The following PRIM2 variants were observed in gnomAD, a reference collection of about 807,000 sequenced individuals.
PRIM2 encodes the protein DNA primase large subunit.
Under a neutral mutation model 67.3 loss-of-function variants are expected in PRIM2, and 39 were observed. The observed-to-expected ratio is 0.58, with a 90% confidence interval of 0.45 to 0.76. PRIM2 has a LOEUF of 0.76. Among genes scored for constraint, PRIM2 ranks in the 30% least tolerant of loss-of-function variants. PRIM2 has a pLI of 0.00. For missense variants in PRIM2, 398 were observed against 598.7 expected (o/e 0.66, Z 3.50); for synonymous variants, 143 against 198.7 (o/e 0.72, Z 2.36).
At chr6:57,316,324 A>C (rs992014197), upstream of PRIM2, among the ~76,000 whole-genome samples, 2 of 152,162 alleles carry the variant, frequency 1.3e-5, no homozygotes, top group African/African-American at 4.8e-5. Flanking sequence ...AGGCAGGAGA[A>C]TCGCTTGAAT....
intron 5 of PRIM2, among the ~76,000 whole-genome samples, chr6:57,330,278 C>T (rs554017655): frequency 6.8e-6 from 1 of 146,526 alleles, no homozygotes; most frequent in East Asian, 2.0e-4. Flanking sequence ...TTGGAATGTT[C>T]ATTGCTAGTA....
intron 6 of PRIM2, among the ~76,000 whole-genome samples, chr6:57,380,751 G>T (rs1287452771): frequency 6.7e-6 from 1 of 150,110 alleles, no homozygotes; most frequent in African/African-American, 2.4e-5. Flanking sequence ...CCTAGAGTGT[G>T]GTGATCAATA....
intron 5 of PRIM2, among the ~76,000 whole-genome samples, chr6:57,336,587 G>C (rs1232410794): frequency 2.0e-5 from 3 of 151,996 alleles, no homozygotes; most frequent in Non-Finnish European, 4.4e-5. Context: ...TTTCAACCCA[G>C]AATTTCATAT....
intron 7 of PRIM2, among the ~76,000 whole-genome samples, chr6:57,472,678 T>C (rs1249652421): frequency 7.2e-5 from 11 of 152,212 alleles, no homozygotes; most frequent in Non-Finnish European, 1.5e-4. Context: ...TTAATCAGCA[T>C]GAAATCTTGG....
rs1157953922 is a variant in PRIM2 at position 57,489,927 on chromosome 6, G to GTT, written c.694-17445_694-17444dup. The stretch of plus-strand genomic sequence containing the variant: ...CAGGAGAAGCAAAATTGTTTTAAGT[G>GTT]TTTTTTTTTTTTTTTTGTCTTTGAA... On this transcript the variant is annotated intron_variant, in intron 7 of 13. Coordinates refer to ENST00000615550, the MANE Select transcript of PRIM2 (RefSeq NM_000947.5). Among the ~76,000 whole-genome samples the GTT allele has an allele frequency of 8.9e-3, 1,139 of 127,638 alleles. 18 individuals carry two copies. Among genetic ancestry groups the GTT allele is most frequent in the African/African-American group, 0.029 (1,017 of 34,844 alleles). The allele number at this position is 127,638 out of a possible 152,430, so 83.7% of individuals were successfully genotyped here.
chr6:57,611,072 A>G (rs1455746400), intron 12 of PRIM2, among the ~76,000 whole-genome samples: 1 of 152,242 alleles, frequency 6.6e-6, no homozygotes, highest in Admixed American at 6.5e-5. Context: ...GTGATTATCA[A>G]TGTAAAAAAT....
chr6:57,630,549 A>AT (rs1472002941), intron 12 of PRIM2, among the ~76,000 whole-genome samples: 1 of 151,808 alleles, frequency 6.6e-6, no homozygotes, highest in Non-Finnish European at 1.5e-5. Flanking sequence ...TCTTCATAGC[A>AT]TGTTTCCCAA....
intron 7 of PRIM2, among the ~76,000 whole-genome samples, chr6:57,469,435 G>A (rs1272962726): frequency 8.5e-5 from 13 of 152,246 alleles, no homozygotes; most frequent in African/African-American, 2.6e-4. Context: ...TTCAAATCTC[G>A]GAAAATTGAA....
At chr6:57,446,289 GTTT>G (rs10667309) in intron 7 of PRIM2, among the ~76,000 whole-genome samples, 1 of 139,634 alleles carries the variant, frequency 7.2e-6, no homozygotes. Context: ...TGTTTTTTTT[GTTT>G]TTTTTTTTTT....
At chr6:57,311,686 G>A (rs1054707644), upstream of PRIM2, among the ~76,000 whole-genome samples, 3 of 152,036 alleles carry the variant, frequency 2.0e-5, no homozygotes, top group Admixed American at 2.0e-4. Context: ...GCCGCTGGGA[G>A]GTGGAAGTTG....
At chr6:57,345,151 T>C (rs1200935043) in intron 5 of PRIM2, among the ~76,000 whole-genome samples, 2 of 145,826 alleles carry the variant, frequency 1.4e-5, no homozygotes, top group African/African-American at 5.1e-5. Flanking sequence ...TATATATCTA[T>C]TTCAATTTTA....
At chr6:57,533,960 G>T (rs1160753519) in intron 9 of PRIM2, among the ~76,000 whole-genome samples, 1 of 152,188 alleles carries the variant, frequency 6.6e-6, no homozygotes, top group East Asian at 1.9e-4. Context: ...CTGAGACCCC[G>T]TGGTGAGTAA....
At chr6:57,615,512 A>C (rs1776740096) in intron 12 of PRIM2, among the ~76,000 whole-genome samples, 1 of 152,100 alleles carries the variant, frequency 6.6e-6, no homozygotes. Context: ...TCTCAGAAGA[A>C]GTTTTTTCTA....
chr6:57,437,767 G>A (rs1163068018), intron 7 of PRIM2, among the ~76,000 whole-genome samples: 3 of 150,910 alleles, frequency 2.0e-5, no homozygotes, highest in Non-Finnish European at 4.4e-5. Context: ...CTGGGCTCAA[G>A]CGTTCCTCCT....
At chr6:57,354,695 A>C (rs1011239855) in intron 5 of PRIM2, among the ~76,000 whole-genome samples, 1 of 152,220 alleles carries the variant, frequency 6.6e-6, no homozygotes, top group Non-Finnish European at 1.5e-5. Flanking sequence ...TTAAGGCATA[A>C]ACTTAAGGAA....
chr6:57,574,743 C>T (rs1775932283), intron 10 of PRIM2, among the ~76,000 whole-genome samples: 1 of 150,966 alleles, frequency 6.6e-6, no homozygotes, highest in African/African-American at 2.4e-5. Flanking sequence ...ACTCTTTTTC[C>T]AGTAAGGCAG....
intron 8 of PRIM2, among the ~76,000 whole-genome samples, chr6:57,521,479 G>A (rs1432223334): frequency 1.5e-5 from 2 of 135,738 alleles, no homozygotes; most frequent in Non-Finnish European, 3.1e-5. Context: ...TCCTGAAATT[G>A]TTTTTCCATT....
At chr6:57,312,345 T>A (rs1767406640), upstream of PRIM2, among the ~76,000 whole-genome samples, 1 of 151,918 alleles carries the variant, frequency 6.6e-6, no homozygotes. Context: ...TACAAAAAAA[T>A]TTAAAAATCA....
the PRIM2 span, among the ~76,000 whole-genome samples, chr6:57,231,080 T>G: frequency 1.3e-5 from 2 of 152,214 alleles, no homozygotes; most frequent in South Asian, 4.1e-4. Flanking sequence ...TTTGGTTATC[T>G]TAATGACTAG....
Sources: gnomAD v4.1 joint callset for allele counts (sites outside exome capture counted in the v4.1 genomes callset) on GRCh38, gnomAD v4.1.1 for gene constraint, MANE v1.5 for transcripts, NCBI Gene and HGNC (gene_info 2026-07-23, HGNC 2026-07-21) for gene names.